The following CD3G variants were observed in gnomAD, a reference collection of about 807,000 sequenced individuals.
CD3G encodes T-cell surface glycoprotein CD3 gamma chain.
A neutral mutation model predicts 28.3 loss-of-function variants in CD3G; 24 were observed. The observed-to-expected ratio is 0.85, with a 90% CI of 0.61 to 1.19. CD3G has a LOEUF of 1.19. Among genes scored for constraint, CD3G ranks in the 50% most tolerant of loss-of-function variants. The pLI, the probability that CD3G is intolerant of heterozygous loss-of-function variation, is 0.00. For synonymous variants in CD3G, 71 were observed against 75.9 expected, an observed-to-expected ratio of 0.93 and a Z score of 0.34; for missense variants, 211 against 210.0, an observed-to-expected ratio of 1.00 and a Z score of -0.03.
chr11:118,350,173 T>G, intron 3 of CD3G: 1 of 603,022 alleles, frequency 1.7e-6, no homozygotes, highest in Non-Finnish European at 2.9e-6. Flanking sequence ...CCTGTAAAAT[T>G]TTGTTTACCT....
At chr11:118,347,269 T>C (rs926040363) in intron 1 of CD3G, among the ~76,000 whole-genome samples, 4 of 152,222 alleles carry the variant, frequency 2.6e-5, no homozygotes, top group Admixed American at 1.3e-4. Context: ...TTGCTTACTC[T>C]TCAAGGCCCA....
Position 118,354,525 on chromosome 11 carries a change from G to A in CD3G, c.*1425G>A, listed in dbSNP as rs1197207322. The A allele has an allele frequency of 6.6e-6, 1 of 151,038 alleles. No homozygotes were observed. Among genetic ancestry groups the A allele is most frequent in the Non-Finnish European group, 1.5e-5 (1 of 67,806 alleles). The allele number at this position is 151,038 out of a possible 1,614,324, so 9.4% of individuals were successfully genotyped here. A position where few individuals can be genotyped will look rare whatever the true frequency, so the allele number is the denominator to read the frequency against. ...GTATTTGTGTACTTAGTAGAGACAGGGTTTCACCATGTTGGCCAGGCTGGT... is the reference window on the plus strand; with the variant it reads ...GTATTTGTGTACTTAGTAGAGACAGAGTTTCACCATGTTGGCCAGGCTGGT... On this transcript the variant is annotated 3_prime_UTR_variant, in exon 7 of 7. Coordinates refer to ENST00000532917, the MANE Select transcript of CD3G (RefSeq NM_000073.3).
At chr11:118,346,503 C>T (rs908536898) in intron 1 of CD3G, among the ~76,000 whole-genome samples, 1 of 151,788 alleles carries the variant, frequency 6.6e-6, no homozygotes, top group African/African-American at 2.4e-5. Flanking sequence ...GGAAACCTCA[C>T]TCAGATATGC....
intron 3 of CD3G, 110 bp downstream of exon 3, chr11:118,350,080 T>C: frequency 1.2e-6 from 1 of 802,982 alleles, no homozygotes. Flanking sequence ...AGTAATATTA[T>C]CGCCTGTTCT....
In CD3G at chr11:118,354,304, C is replaced by CTTTTTTTTTTTTTTT. The variant is rs71041832; in HGVS notation, c.*1206_*1220dup. 1.0e-4 allele frequency: 13 copies of CTTTTTTTTTTTTTTT among 124,080 alleles called. No individual in the cohort carries two copies. The highest frequency in any genetic ancestry group is 2.8e-4 in the South Asian group (1 of 3,624). The allele number at this position is 124,080 out of a possible 1,614,324, so 7.7% of individuals were successfully genotyped here. A position where few individuals can be genotyped will look rare whatever the true frequency, so the allele number is the denominator to read the frequency against. ...TTTTTTCTTTTCTTTTCTTTTTTTT[C>CTTTTTTTTTTTTTTT]TTTTTTTTTTTTTTTTGAAGTGGAA... On this transcript the variant is annotated 3_prime_UTR_variant, in exon 7 of 7. Transcript: ENST00000532917.
Position 118,350,619 on chromosome 11 carries a change from C to T in CD3G, c.375C>T (p.Ser125=). 1 of 1,614,074 alleles carries T rather than the reference C, an allele frequency of 6.2e-7. No homozygotes were observed. Among genetic ancestry groups the T allele is most frequent in the Non-Finnish European group, 8.5e-7 (1 of 1,180,008 alleles). ...GCTTTCTCTTTGCTGAAATCGTCAG[C>T]ATTTTCGTCCTTGCTGTTGGGGTCT... is the stretch of plus-strand genomic sequence containing the variant. ...ISGFLFAEIV[S]IFVLAVGVYF... is the part of the protein sequence containing the mutation. The change falls in exon 4 of 7, where the codon AGC becomes AGT. Residue 125 remains serine, a synonymous_variant. Transcript: ENST00000532917.
intron 6 of CD3G, among the ~76,000 whole-genome samples, chr11:118,352,696 T>C (rs1242739263): frequency 6.6e-6 from 1 of 152,240 alleles, no homozygotes; most frequent in African/African-American, 2.4e-5. Context: ...TATGTATCTG[T>C]AAATCCTGTC....
intron 1 of CD3G, among the ~76,000 whole-genome samples, chr11:118,348,492 C>T (rs1035477592): frequency 5.9e-5 from 9 of 152,162 alleles, no homozygotes; most frequent in African/African-American, 1.7e-4. Flanking sequence ...CACATCGCCC[C>T]CAGCACTCTC....
At chr11:118,352,166 C>T (rs555770398) in intron 5 of CD3G, among the ~76,000 whole-genome samples, 4 of 150,860 alleles carry the variant, frequency 2.7e-5, no homozygotes, top group Admixed American at 1.3e-4. Flanking sequence ...CAGTGAGCTG[C>T]GATTGTGCCA....
At chr11:118,351,758 T>G in intron 5 of CD3G, 87 bp downstream of exon 5, 2 of 1,249,828 alleles carry the variant, frequency 1.6e-6, no homozygotes, top group Non-Finnish European at 2.4e-6. Context: ...TGGAAGATCC[T>G]ATACAGGTAA....
intron 3 of CD3G, among the ~76,000 whole-genome samples, 156 bp from the exon 4 acceptor site, chr11:118,350,396 A>T (rs1218852392): frequency 1.3e-5 from 2 of 152,168 alleles, no homozygotes; most frequent in African/African-American, 4.8e-5. Flanking sequence ...ATCAAGATGC[A>T]TTGAGTTTTG....
chr11:118,344,584 C>A, intron 1 of CD3G, 106 bp downstream of exon 1: 1 of 983,460 alleles, frequency 1.0e-6, no homozygotes, highest in Admixed American at 2.0e-5. Context: ...CCTACCTCTG[C>A]TGTCACCTTA....
At position 118,352,457 on chromosome 11, in the gene CD3G, G is replaced by T. The variant is rs1257197568; in HGVS notation, c.537G>T (p.Leu179Phe). The change falls in exon 6 of 7, where the codon TTG (leucine) becomes TTT (phenylalanine). Residue 179 changes from leucine (L) to phenylalanine (F), a missense_variant. Transcript: ENST00000532917. ...DQYSHLQGNQ[L>F]RRN is the part of the protein sequence containing the mutation. ...ACAGCCACCTTCAAGGAAACCAGTT[G>T]AGGAGGAATTGAACTCAGGACTCAG... 6.2e-7 allele frequency: 1 copy of T among 1,613,910 alleles called. No individual in the cohort carries two copies.
chr11:118,350,832 A>G lies in CD3G; in HGVS notation c.439+149A>G, dbSNP rs553233690. On this transcript the variant is annotated intron_variant, in intron 4 of 6. Transcript: ENST00000532917. Reference sequence around the variant, plus strand: ...GCTGTATTTCTCTGAGACAGGAGAAAGGATACTTGGTGTTATCACAGCATG... The same window carrying G: ...GCTGTATTTCTCTGAGACAGGAGAAGGGATACTTGGTGTTATCACAGCATG... 2.6e-5 allele frequency: 39 copies of G among 1,483,252 alleles called. 1 individual carries two copies. The South Asian group carries it at 4.0e-4, about 15-fold the overall frequency. The allele number at this position is 1,483,252 out of a possible 1,614,324, so 91.9% of individuals were successfully genotyped here.
In CD3G at chr11:118,350,707, A is replaced by G. The variant is rs905725199; in HGVS notation, c.439+24A>G. 3 of 1,613,432 alleles carry G rather than the reference A, an allele frequency of 1.9e-6. No individual in the cohort carries two copies. The African/African-American group carries it at 4.0e-5, about 22-fold the overall frequency. ...AGGTAAAAGAATGCTCTTAGATGAG[A>G]GATGGGACCACCTGAGACCCTCAGC... On this transcript the variant is annotated intron_variant, in intron 4 of 6. Transcript: ENST00000532917.
At chr11:118,349,522 C>T in intron 2 of CD3G, 1 of 625,280 alleles carries the variant, frequency 1.6e-6, no homozygotes, top group East Asian at 2.8e-5. Context: ...TTCTTCACCC[C>T]CTGACGCAGA....
intron 4 of CD3G, 45 bp from the exon 5 acceptor site, chr11:118,351,583 A>G (rs201371894): frequency 1.5e-5 from 24 of 1,599,322 alleles, no homozygotes; most frequent in South Asian, 5.5e-5. Context: ...AACCCAATTT[A>G]TTATGCATTC....
Position 118,349,915 on chromosome 11 carries a change from G to A in CD3G, c.252G>A (p.Met84Ile), listed in dbSNP as rs1227054146. ...LGSNAKDPRGMYQCKGSQNKS... is the reference protein window; with the variant it reads ...LGSNAKDPRGIYQCKGSQNKS... Reference sequence around the variant, plus strand: ...GTAATGCCAAGGACCCTCGAGGGATGTATCAGTGTAAAGGATCACAGAACA... The same window carrying A: ...GTAATGCCAAGGACCCTCGAGGGATATATCAGTGTAAAGGATCACAGAACA... The change falls in exon 3 of 7, where the codon ATG (methionine) becomes ATA (isoleucine). Residue 84 changes from methionine (M) to isoleucine (I), a missense_variant. Physicochemically the swap from Met to Ile is conservative, Grantham distance 10 (BLOSUM62 1). Coordinates refer to ENST00000532917, the MANE Select transcript of CD3G (RefSeq NM_000073.3). 1.2e-6 allele frequency: 2 copies of A among 1,614,182 alleles called. No homozygotes were observed. Among genetic ancestry groups the A allele is most frequent in the Non-Finnish European group, 1.7e-6 (2 of 1,180,036 alleles).
At chr11:118,349,421 T>C (rs1591284103) in intron 2 of CD3G, 3 of 757,086 alleles carry the variant, frequency 4.0e-6, no homozygotes, top group African/African-American at 1.8e-5. Context: ...GGTATGCTGT[T>C]AGCAGTTTCT....
Sources: allele counts gnomAD v4.1 joint callset (sites outside exome capture counted in the v4.1 genomes callset), GRCh38; gene constraint gnomAD v4.1.1; transcripts MANE v1.5; gene names NCBI Gene and HGNC (gene_info 2026-07-23, HGNC 2026-07-21).